Variants in CNTNAP4 observed in about 807,000 individuals in gnomAD.
CNTNAP4 encodes contactin-associated protein-like 4.
In CNTNAP4, 98 loss-of-function variants were observed where a neutral mutation model predicts 148.4. That is an observed-to-expected ratio of 0.66 (90% CI 0.56 to 0.78). CNTNAP4 has a LOEUF of 0.78. Ranked by LOEUF, CNTNAP4 falls within the 30% of genes least tolerant of loss-of-function variation. The probability of loss-of-function intolerance (pLI) is 0.00; values close to 1 mark genes in which losing one functional copy is unlikely to be tolerated. For missense variants in CNTNAP4, 1,935 were observed against 1,565.6 expected (o/e 1.24, Z -3.98); for synonymous variants, 730 against 565.1 (o/e 1.29, Z -4.14).
chr16:76,311,293 T>C (rs1961078206), intron 1 of CNTNAP4, among the ~76,000 whole-genome samples: 1 of 152,130 alleles, frequency 6.6e-6, no homozygotes, highest in South Asian at 2.1e-4. Context: ...TGAAGGAGGC[T>C]ATTGAGTTTT....
At chr16:76,416,288 T>C (rs112899060) in intron 3 of CNTNAP4, among the ~76,000 whole-genome samples, 2 of 151,366 alleles carry the variant, frequency 1.3e-5, no homozygotes. Flanking sequence ...TTTTAAAATT[T>C]CTTTCCTTCT....
chr16:76,469,176 T>C (rs533120014), intron 10 of CNTNAP4, among the ~76,000 whole-genome samples: 1 of 152,250 alleles, frequency 6.6e-6, no homozygotes, highest in East Asian at 1.9e-4. Flanking sequence ...CATAATTTCC[T>C]CCCCACAAAT....
Position 76,427,503 on chromosome 16 carries a change from C to G in CNTNAP4, c.442C>G (p.Pro148Ala). The change falls in exon 4 of 24, where the codon CCT (proline) becomes GCT (alanine). Residue 148 changes from proline (P) to alanine (A), a missense_variant. Coordinates refer to ENST00000611870, the MANE Select transcript of CNTNAP4 (RefSeq NM_033401.5). Reference sequence around the variant, plus strand: ...CAGTGTTGTGTACTATAGACTCCAGCCTTCTATCAAAGCCAGATTTCTGCG... The same window carrying G: ...CAGTGTTGTGTACTATAGACTCCAGGCTTCTATCAAAGCCAGATTTCTGCG... ...ADSVVYYRLQ[P>A]SIKARFLRFI... 1 of 1,613,180 alleles carries G rather than the reference C, an allele frequency of 6.2e-7. No individual in the cohort carries two copies. The highest frequency in any genetic ancestry group is 8.5e-7 in the Non-Finnish European group (1 of 1,179,404).
intron 2 of CNTNAP4, among the ~76,000 whole-genome samples, chr16:76,335,532 C>T (rs1051610418): frequency 2.0e-5 from 3 of 152,144 alleles, no homozygotes; most frequent in African/African-American, 7.2e-5. Flanking sequence ...GAGGGTAAGA[C>T]ATGAGCAAGC....
chr16:76,313,428 A>T (rs1245177256), intron 1 of CNTNAP4, among the ~76,000 whole-genome samples: 1 of 152,204 alleles, frequency 6.6e-6, no homozygotes, highest in African/African-American at 2.4e-5. Context: ...TTGTGTGTGT[A>T]AACATACATG....
At chr16:76,369,862 A>C (rs1158654821) in intron 3 of CNTNAP4, among the ~76,000 whole-genome samples, 1 of 152,006 alleles carries the variant, frequency 6.6e-6, no homozygotes, top group East Asian at 1.9e-4. Context: ...AGGGAGGGAG[A>C]GAGAGAGAGA....
At chr16:76,350,110 T>G (rs1965246845) in intron 2 of CNTNAP4, among the ~76,000 whole-genome samples, 1 of 152,114 alleles carries the variant, frequency 6.6e-6, no homozygotes, top group African/African-American at 2.4e-5. Flanking sequence ...AGGTAATTTA[T>G]AATTAAATCA....
At chr16:76,344,952 C>G (rs1964783112) in intron 2 of CNTNAP4, among the ~76,000 whole-genome samples, 1 of 152,174 alleles carries the variant, frequency 6.6e-6, no homozygotes, top group African/African-American at 2.4e-5. Flanking sequence ...TAGTGACTAC[C>G]ACAAGATTGT....
chr16:76,489,830 G>A lies in CNTNAP4; in HGVS notation c.2027G>A (p.Cys676Tyr). 1 of 1,598,624 alleles carries A rather than the reference G, an allele frequency of 6.3e-7. No individual in the cohort carries two copies. The highest frequency in any genetic ancestry group is 1.1e-5 in the South Asian group (1 of 88,408). Residue 676 changes from cysteine (C) to tyrosine (Y), a missense_variant, in exon 13 of 24, where the codon TGT becomes TAT. Coordinates refer to ENST00000611870, the MANE Select transcript of CNTNAP4 (RefSeq NM_033401.5). ...GCCACTATTAACCGTGCAGAGCACT[G>A]TGAACAGGAGTTTACTTATTACTGC... is the stretch of plus-strand genomic sequence containing the variant. ...LQATINRAEH[C>Y]EQEFTYYCKK...
intron 1 of CNTNAP4, among the ~76,000 whole-genome samples, chr16:76,295,830 T>G (rs2143875210): frequency 6.6e-6 from 1 of 152,302 alleles, no homozygotes; most frequent in Admixed American, 6.5e-5. Flanking sequence ...TATTTATTTA[T>G]TTTTTGAAAC....
At chr16:76,519,496 A>G (rs1043304791) in intron 15 of CNTNAP4, among the ~76,000 whole-genome samples, 6 of 152,216 alleles carry the variant, frequency 3.9e-5, no homozygotes, top group African/African-American at 1.4e-4. Context: ...AGACAAAATA[A>G]GATTTAATAA....
chr16:76,491,892 A>G (rs1263776044), intron 13 of CNTNAP4, among the ~76,000 whole-genome samples: 1 of 152,098 alleles, frequency 6.6e-6, no homozygotes, highest in South Asian at 2.1e-4. Flanking sequence ...TTATCCATTC[A>G]TCAATGGACA....
chr16:76,453,522 T>C (rs1246760611), intron 8 of CNTNAP4, among the ~76,000 whole-genome samples: 1 of 152,178 alleles, frequency 6.6e-6, no homozygotes, highest in Non-Finnish European at 1.5e-5. Flanking sequence ...GTATGTACAA[T>C]GGCATCCAAG....
At chr16:76,301,908 G>A (rs116257137) in intron 1 of CNTNAP4, among the ~76,000 whole-genome samples, 3,317 of 152,198 alleles carry the variant, frequency 0.022, 125 homozygotes, top group African/African-American at 0.076. Context: ...TAGGACATAT[G>A]TACAGAAAAC....
intron 10 of CNTNAP4, among the ~76,000 whole-genome samples, chr16:76,472,329 GA>G (rs988022825): frequency 5.3e-5 from 8 of 151,848 alleles, no homozygotes; most frequent in Non-Finnish European, 8.8e-5. Context: ...TTAAAAATAG[GA>G]AAAATCTAGT....
chr16:76,316,270 C>T, intron 1 of CNTNAP4, 143 bp from the exon 2 acceptor site: 1 of 710,780 alleles, frequency 1.4e-6, no homozygotes, highest in South Asian at 1.5e-5. Context: ...TTCTAGTAAG[C>T]CCTGGAAGTA....
chr16:76,511,362 A>G (rs1463623896), intron 15 of CNTNAP4, among the ~76,000 whole-genome samples: 1 of 152,180 alleles, frequency 6.6e-6, no homozygotes, highest in African/African-American at 2.4e-5. Context: ...CTGAGAAATC[A>G]CAGCTGCCCA....
intron 3 of CNTNAP4, among the ~76,000 whole-genome samples, chr16:76,419,379 C>G (rs529520989): frequency 3.6e-4 from 54 of 152,112 alleles, no homozygotes; most frequent in African/African-American, 1.3e-3. Flanking sequence ...CACAGTCATT[C>G]CCTTTCCCAC....
intron 3 of CNTNAP4, among the ~76,000 whole-genome samples, chr16:76,358,525 A>G (rs2012997920): frequency 6.6e-6 from 1 of 152,230 alleles, no homozygotes; most frequent in Admixed American, 6.5e-5. Flanking sequence ...TCTTGAAGAA[A>G]GCATTATAGT....
Sources: gnomAD v4.1 joint callset for allele counts (sites outside exome capture counted in the v4.1 genomes callset) on GRCh38, gnomAD v4.1.1 for gene constraint, MANE v1.5 for transcripts, NCBI Gene and HGNC (gene_info 2026-07-23, HGNC 2026-07-21) for gene names.